Variants in TRIO observed in about 807,000 individuals in gnomAD.
TRIO encodes the protein trio Rho guanine nucleotide exchange factor.
In TRIO, 58 loss-of-function variants were observed where a neutral mutation model predicts 351.9. The observed-to-expected ratio is 0.16, with a 90% CI of 0.13 to 0.21. The LOEUF is 0.21. Among genes scored for constraint, TRIO ranks in the 10% least tolerant of loss-of-function variants. The pLI, the probability that TRIO is intolerant of heterozygous loss-of-function variation, is 1.00. For synonymous variants in TRIO, 1,758 were observed against 1,595.7 expected (o/e 1.10, Z -2.42); for missense variants, 3,201 against 4,027.8 (o/e 0.79, Z 5.56).
rs562826346 is a variant in TRIO at position 14,259,461 on chromosome 5, C to G, written c.158-11364C>G. On this transcript the variant is annotated intron_variant, in intron 1 of 56. Coordinates refer to ENST00000344204, the MANE Select transcript of TRIO (RefSeq NM_007118.4). ...AGCAGATGCATTACTTTTCTCAACC[C>G]TCTTTGTAATTTCTTAAATTTCTCA... Among the ~76,000 whole-genome samples, 4 of 152,298 alleles carry G rather than the reference C, an allele frequency of 2.6e-5. No individual in the cohort carries two copies. In the East Asian group the frequency reaches 7.7e-4, roughly 29 times the overall value.
chr5:14,145,955 A>G (rs1787500378), intron 1 of TRIO, among the ~76,000 whole-genome samples: 1 of 152,202 alleles, frequency 6.6e-6, no homozygotes, highest in Non-Finnish European at 1.5e-5. Flanking sequence ...TCTGCCCTCC[A>G]AAATGACAAA....
chr5:14,263,689 G>A (rs1451058975), intron 1 of TRIO, among the ~76,000 whole-genome samples: 3 of 152,100 alleles, frequency 2.0e-5, no homozygotes, highest in African/African-American at 4.8e-5. Flanking sequence ...GAGACACTCC[G>A]GTAAAGCAAG....
chr5:14,481,635 T>G lies in TRIO; in HGVS notation c.6465+17T>G, dbSNP rs770198363. On this transcript the variant is annotated intron_variant, in intron 45 of 56. Transcript: ENST00000344204. ...GGATTCGACGTAATGCGGCTCTTGTTTTTTAAGAGAGCTCCTCTGCCTTCA... is the reference window on the plus strand; with the variant it reads ...GGATTCGACGTAATGCGGCTCTTGTGTTTTAAGAGAGCTCCTCTGCCTTCA... 8 of 1,613,874 alleles carry G rather than the reference T, an allele frequency of 5.0e-6. No individual in the cohort carries two copies. Among genetic ancestry groups the G allele is most frequent in the Non-Finnish European group, 3.4e-6 (4 of 1,179,766 alleles).
At chr5:14,441,334 C>G (rs1291134764) in intron 34 of TRIO, 1 of 154,348 alleles carries the variant, frequency 6.5e-6, no homozygotes, top group African/African-American at 2.4e-5. Flanking sequence ...CAGCCGGGCA[C>G]CTGCAAGTAC....
At chr5:14,262,355 T>G (rs1795399187) in intron 1 of TRIO, among the ~76,000 whole-genome samples, 2 of 149,838 alleles carry the variant, frequency 1.3e-5, no homozygotes, top group South Asian at 2.1e-4. Flanking sequence ...GGAGGTACAG[T>G]GGTGAGGGGG....
chr5:14,207,090 A>G (rs1047489712), intron 1 of TRIO, among the ~76,000 whole-genome samples: 3 of 152,164 alleles, frequency 2.0e-5, no homozygotes, highest in East Asian at 1.9e-4. Flanking sequence ...AAAAAAGTCT[A>G]TAGTTTAAAC....
At chr5:14,345,560 G>C (rs1742346346) in intron 11 of TRIO, among the ~76,000 whole-genome samples, 1 of 152,200 alleles carries the variant, frequency 6.6e-6, no homozygotes, top group African/African-American at 2.4e-5. Context: ...AGGCGTACAT[G>C]AATAGCCCTG....
Position 14,294,519 on chromosome 5 carries a change from A to G in TRIO, c.1176+1385A>G, listed in dbSNP as rs74984021. 6.2e-3 allele frequency among the ~76,000 whole-genome samples: 950 copies of G among 152,340 alleles called. 12 individuals are homozygous for G. Among genetic ancestry groups the G allele is most frequent in the African/African-American group, 0.022 (921 of 41,570 alleles). On this transcript the variant is annotated intron_variant, in intron 6 of 56. Coordinates refer to ENST00000344204, the MANE Select transcript of TRIO (RefSeq NM_007118.4). ...CTATGCCACATACTTTAAAAACTAG[A>G]AATACTAAAATATGTGCTAGAAATG...
intron 34 of TRIO, among the ~76,000 whole-genome samples, chr5:14,446,775 T>C (rs1752474468): frequency 6.6e-6 from 1 of 152,222 alleles, no homozygotes; most frequent in African/African-American, 2.4e-5. Flanking sequence ...TCTTTGTTTT[T>C]GAATTAACCA....
chr5:14,297,284 G>C (rs762850122), intron 7 of TRIO, 21 bp downstream of exon 7: 1 of 1,607,716 alleles, frequency 6.2e-7, no homozygotes, highest in Admixed American at 1.7e-5. Context: ...TGAACCCCCA[G>C]CCCACGAGGT....
At chr5:14,218,795 A>G (rs1238853766) in intron 1 of TRIO, among the ~76,000 whole-genome samples, 4 of 152,196 alleles carry the variant, frequency 2.6e-5, no homozygotes, top group African/African-American at 9.7e-5. Context: ...TGGGGCACCA[A>G]TTCCTGGTTG....
At chr5:14,320,273 A>G (rs992395680) in intron 9 of TRIO, among the ~76,000 whole-genome samples, 6 of 152,076 alleles carry the variant, frequency 3.9e-5, no homozygotes, top group African/African-American at 4.8e-5. Flanking sequence ...AAGGTAACTC[A>G]TTTTTGCTTT....
chr5:14,471,040 A>G (rs1754643391), intron 37 of TRIO, among the ~76,000 whole-genome samples: 1 of 152,208 alleles, frequency 6.6e-6, no homozygotes, highest in South Asian at 2.1e-4. Context: ...CAAGTATAAC[A>G]TTTCTACTTG....
At chr5:14,259,033 GA>G (rs1351966791) in intron 1 of TRIO, among the ~76,000 whole-genome samples, 24 of 152,190 alleles carry the variant, frequency 1.6e-4, no homozygotes, top group African/African-American at 5.8e-4. Flanking sequence ...GGCCACAAGT[GA>G]GCTGGTCGTT....
intron 8 of TRIO, among the ~76,000 whole-genome samples, chr5:14,309,801 CT>C (rs1447744719): frequency 2.0e-5 from 3 of 152,100 alleles, no homozygotes; most frequent in South Asian, 2.1e-4. Flanking sequence ...GCTTGCTTTG[CT>C]TTTTTTTATT....
chr5:14,447,219 G>A (rs529776889), intron 34 of TRIO, among the ~76,000 whole-genome samples: 65 of 152,266 alleles, frequency 4.3e-4, no homozygotes, highest in Admixed American at 7.2e-4. Flanking sequence ...GTGACACAGC[G>A]AGACTGTCCC....
At chr5:14,264,758 A>G (rs1192355602) in intron 1 of TRIO, among the ~76,000 whole-genome samples, 2 of 152,220 alleles carry the variant, frequency 1.3e-5, no homozygotes, top group Non-Finnish European at 2.9e-5. Context: ...TGCTGAGAGT[A>G]TAATCCTGCG....
At chr5:14,313,246 C>T (rs1257288753) in intron 8 of TRIO, among the ~76,000 whole-genome samples, 1 of 152,176 alleles carries the variant, frequency 6.6e-6, no homozygotes, top group East Asian at 1.9e-4. Flanking sequence ...GAAGGTGGAG[C>T]TTTCCTTAAT....
intron 6 of TRIO, among the ~76,000 whole-genome samples, chr5:14,294,763 C>A (rs1438650200): frequency 6.6e-6 from 1 of 152,114 alleles, no homozygotes; most frequent in African/African-American, 2.4e-5. Context: ...GTAATACCTG[C>A]CTTCCATGGT....
Sources: allele counts gnomAD v4.1 joint callset (sites outside exome capture counted in the v4.1 genomes callset), GRCh38; gene constraint gnomAD v4.1.1; transcripts MANE v1.5; gene names NCBI Gene and HGNC (gene_info 2026-07-23, HGNC 2026-07-21).